The following DLGAP2 variants were observed in gnomAD, a reference collection of about 807,000 sequenced individuals.
DLGAP2 encodes the protein disks large-associated protein 2.
DLGAP2 carries 26 observed loss-of-function variants against 100.3 expected under a neutral mutation model. That is an observed-to-expected ratio of 0.26 (90% CI 0.19 to 0.36). DLGAP2 has a LOEUF of 0.36. Ranked by LOEUF, DLGAP2 falls within the 10% of genes least tolerant of loss-of-function variation. DLGAP2 has a pLI of 1.00. For missense variants in DLGAP2, 1,858 were observed against 1,453.2 expected (o/e 1.28, Z -4.53); for synonymous variants, 886 against 630.1 (o/e 1.41, Z -6.08).
intron 2 of DLGAP2, among the ~76,000 whole-genome samples, chr8:1,080,752 G>A (rs564620933): frequency 6.6e-6 from 1 of 152,290 alleles, no homozygotes; most frequent in South Asian, 2.1e-4. Context: ...CCAGTTGTGA[G>A]TCCTGTGCAC....
chr8:1,125,110 A>C (rs2129048196), intron 2 of DLGAP2, among the ~76,000 whole-genome samples: 1 of 152,018 alleles, frequency 6.6e-6, no homozygotes, highest in East Asian at 1.9e-4. Context: ...TCTCTGGCAG[A>C]CTCGGACCAT....
At position 1,374,401 on chromosome 8, in the gene DLGAP2, C is replaced by T. The variant is rs1275437651; in HGVS notation, c.106+115518C>T. On this transcript the variant is annotated intron_variant, in intron 3 of 14. Transcript: ENST00000637795. ...GGAGGCAGCTCCCTGATTACAAGAC[C>T]AACTTTTGTTCTTGGACCAAAGCTG... Among the ~76,000 whole-genome samples, 14 of 152,090 alleles carry T rather than the reference C, an allele frequency of 9.2e-5. 1 individual carries two copies. Among genetic ancestry groups the T allele is most frequent in the Admixed American group, 9.2e-4 (14 of 15,278 alleles).
chr8:947,922 C>T (rs1799369967), intron 2 of DLGAP2, among the ~76,000 whole-genome samples: 1 of 147,654 alleles, frequency 6.8e-6, no homozygotes, highest in South Asian at 2.2e-4. Context: ...CGTGCCAACC[C>T]GCGTGTGCCA....
At chr8:1,266,193 G>A (rs1380691786) in intron 3 of DLGAP2, among the ~76,000 whole-genome samples, 4 of 152,220 alleles carry the variant, frequency 2.6e-5, no homozygotes, top group African/African-American at 4.8e-5. Context: ...TACTATCTGC[G>A]AAAGGGGGTT....
At chr8:1,489,994 C>T (rs1289240927) in intron 3 of DLGAP2, among the ~76,000 whole-genome samples, 1 of 152,116 alleles carries the variant, frequency 6.6e-6, no homozygotes, top group Admixed American at 6.5e-5. Context: ...CAGGTTCAAG[C>T]AGTTCTCCTG....
chr8:1,008,009 G>A (rs971022633), intron 2 of DLGAP2, among the ~76,000 whole-genome samples: 1 of 152,136 alleles, frequency 6.6e-6, no homozygotes, highest in Non-Finnish European at 1.5e-5. Flanking sequence ...GATGAGCAGG[G>A]CCCTGAATGT....
In DLGAP2 at chr8:874,373, G is replaced by C. The variant is rs532106255; in HGVS notation, c.19-33539G>C. 1.8e-4 allele frequency among the ~76,000 whole-genome samples: 28 copies of C among 152,202 alleles called. 1 individual carries two copies. In the South Asian group the frequency reaches 5.6e-3, roughly 30 times the overall value. On this transcript the variant is annotated intron_variant, in intron 1 of 14. Transcript: ENST00000637795. ...ATTTCCCTTGAACCCTGCTTTGGCT[G>C]CATCTCATAAGGTTTGATGTGTTGA... is the stretch of plus-strand genomic sequence containing the variant.
chr8:1,242,169 G>T (rs769257009), intron 2 of DLGAP2, among the ~76,000 whole-genome samples: 1 of 152,200 alleles, frequency 6.6e-6, no homozygotes, highest in African/African-American at 2.4e-5. Flanking sequence ...TTAACACGAA[G>T]ACACTAATTA....
chr8:1,468,902 G>T (rs1249118311), intron 3 of DLGAP2, among the ~76,000 whole-genome samples: 1 of 152,102 alleles, frequency 6.6e-6, no homozygotes, highest in Non-Finnish European at 1.5e-5. Flanking sequence ...CCATCCTGCT[G>T]TGCTCACTCC....
intron 2 of DLGAP2, among the ~76,000 whole-genome samples, chr8:1,235,685 G>A (rs62487760): frequency 0.85 from 15,939 of 18,792 alleles, 7,700 homozygotes; most frequent in Non-Finnish European, 0.91. Flanking sequence ...CTCACATGGC[G>A]CCATGTCTAG....
At chr8:1,011,778 A>T (rs1303496278) in intron 2 of DLGAP2, among the ~76,000 whole-genome samples, 2 of 152,152 alleles carry the variant, frequency 1.3e-5, no homozygotes, top group Non-Finnish European at 2.9e-5. Flanking sequence ...GAGGGGTCTC[A>T]GTCTACACAG....
chr8:1,608,357 CAGAA>C (rs1440996235), intron 6 of DLGAP2, among the ~76,000 whole-genome samples: 3 of 84,736 alleles, frequency 3.5e-5, no homozygotes, highest in South Asian at 1.1e-3. Flanking sequence ...AACTAACAAA[CAGAA>C]AGGACATCCA....
rs147799884 is a variant in DLGAP2, at chr8:1,139,851, G to T, written c.74-119000G>T. On this transcript the variant is annotated intron_variant, in intron 2 of 14. Coordinates refer to ENST00000637795, the MANE Select transcript of DLGAP2 (RefSeq NM_001346810.2). ...TTAATTCTCATAAGGGGTCTGTGGCGTAGGGTTCTATTACTGGCTGCAGTT... is the reference window on the plus strand; with the variant it reads ...TTAATTCTCATAAGGGGTCTGTGGCTTAGGGTTCTATTACTGGCTGCAGTT... Among the ~76,000 whole-genome samples the T allele has an allele frequency of 7.1e-3, 1,080 of 152,136 alleles. 10 individuals are homozygous for T. Among genetic ancestry groups the T allele is most frequent in the African/African-American group, 0.025 (1,030 of 41,470 alleles).
intron 2 of DLGAP2, among the ~76,000 whole-genome samples, chr8:1,089,373 G>A (rs1425142835): frequency 1.3e-5 from 2 of 152,238 alleles, no homozygotes; most frequent in Admixed American, 1.3e-4. Context: ...CCAGCCGTTT[G>A]TCCCCCTGAG....
At chr8:1,432,023 G>A (rs952518197) in intron 3 of DLGAP2, among the ~76,000 whole-genome samples, 9 of 148,488 alleles carry the variant, frequency 6.1e-5, no homozygotes, top group Admixed American at 4.7e-4. Context: ...AGCCAGCACC[G>A]CTACGGCTGC....
intron 6 of DLGAP2, among the ~76,000 whole-genome samples, chr8:1,587,272 T>A (rs1184707179): frequency 1.3e-5 from 2 of 152,216 alleles, no homozygotes; most frequent in African/African-American, 4.8e-5. Flanking sequence ...TTTATAGATT[T>A]GCTTCTCAGG....
chr8:1,497,118 A>T (rs1215114873), intron 3 of DLGAP2, among the ~76,000 whole-genome samples: 4 of 152,182 alleles, frequency 2.6e-5, no homozygotes, highest in African/African-American at 9.7e-5. Flanking sequence ...TGAGTGAGGA[A>T]GCCCCACCCG....
intron 2 of DLGAP2, among the ~76,000 whole-genome samples, chr8:1,165,013 G>C (rs1320772807): frequency 3.9e-5 from 6 of 152,044 alleles, no homozygotes; most frequent in Non-Finnish European, 5.9e-5. Flanking sequence ...ATGAGTTCAG[G>C]GATGGGGTTG....
Position 1,142,804 on chromosome 8 carries a change from A to G in DLGAP2, c.74-116047A>G, listed in dbSNP as rs74336642. Reference sequence around the variant, plus strand: ...AGGCAGAGGATTGAAAAGCAAGGAAAGCCAGCCCTTCAGGAGAGACCTGGC... The same window carrying G: ...AGGCAGAGGATTGAAAAGCAAGGAAGGCCAGCCCTTCAGGAGAGACCTGGC... On this transcript the variant is annotated intron_variant, in intron 2 of 14. Transcript: ENST00000637795. 3.3e-5 allele frequency among the ~76,000 whole-genome samples: 5 copies of G among 152,238 alleles called. No individual in the cohort carries two copies. The East Asian group carries it at 9.7e-4, about 30-fold the overall frequency.
Sources: allele counts gnomAD v4.1 joint callset (sites outside exome capture counted in the v4.1 genomes callset), GRCh38; gene constraint gnomAD v4.1.1; transcripts MANE v1.5; gene names NCBI Gene and HGNC (gene_info 2026-07-23, HGNC 2026-07-21).